The following GRM5 variants were observed in gnomAD, a reference collection of about 807,000 sequenced individuals.
GRM5 encodes glutamate metabotropic receptor 5, also known as metabotropic glutamate receptor 5.
In GRM5, 19 loss-of-function variants were observed where a neutral mutation model predicts 83.1. That is an observed-to-expected ratio of 0.23 (90% confidence interval 0.16 to 0.34). The LOEUF (loss-of-function observed/expected upper bound fraction) is 0.34, where lower values mean the gene tolerates loss of function less well. Ranked by LOEUF, GRM5 falls within the 10% of genes least tolerant of loss-of-function variation. The probability of loss-of-function intolerance (pLI) is 1.00; values close to 1 mark genes in which losing one functional copy is unlikely to be tolerated. For missense variants in GRM5, 1,160 were observed against 1,588.3 expected (o/e 0.73, Z 4.58); for synonymous variants, 675 against 633.6 (o/e 1.07, Z -0.98).
chr11:88,635,629 T>C (rs1939097181), intron 4 of GRM5, among the ~76,000 whole-genome samples: 1 of 152,192 alleles, frequency 6.6e-6, no homozygotes, highest in Non-Finnish European at 1.5e-5. Flanking sequence ...TTCCATTCCT[T>C]AGGTTGTCTT....
At chr11:88,608,280 T>G (rs1341469197) in intron 4 of GRM5, among the ~76,000 whole-genome samples, 1 of 152,188 alleles carries the variant, frequency 6.6e-6, no homozygotes, top group Non-Finnish European at 1.5e-5. Flanking sequence ...TTGCAGGGCA[T>G]GTTTCCTTCC....
At chr11:88,700,617 T>C (rs1323149687) in intron 3 of GRM5, among the ~76,000 whole-genome samples, 3 of 152,170 alleles carry the variant, frequency 2.0e-5, no homozygotes, top group Non-Finnish European at 4.4e-5. Flanking sequence ...CTGTTCCTTT[T>C]CACAGGGTCT....
intron 7 of GRM5, among the ~76,000 whole-genome samples, chr11:88,570,672 C>T (rs1007262931): frequency 4.8e-5 from 7 of 145,652 alleles, no homozygotes; most frequent in African/African-American, 1.3e-4. Flanking sequence ...CTCTGCCTCC[C>T]GAGTTCAAGC....
intron 2 of GRM5, among the ~76,000 whole-genome samples, chr11:88,984,537 C>T (rs1446844279): frequency 6.6e-6 from 1 of 152,114 alleles, no homozygotes; most frequent in African/African-American, 2.4e-5. Context: ...TGTTAAGTGA[C>T]ATATGACTAT....
chr11:88,864,999 CA>C (rs1283003404), intron 2 of GRM5, among the ~76,000 whole-genome samples: 4 of 151,956 alleles, frequency 2.6e-5, no homozygotes, highest in Non-Finnish European at 5.9e-5. Flanking sequence ...ACCAGCCTTA[CA>C]AGGGATGTGA....
At chr11:88,706,932 T>G (rs1022016879) in intron 3 of GRM5, among the ~76,000 whole-genome samples, 5 of 152,098 alleles carry the variant, frequency 3.3e-5, no homozygotes, top group Admixed American at 6.6e-5. Context: ...ATATTTAAGT[T>G]TATTGCTGAT....
intron 3 of GRM5, among the ~76,000 whole-genome samples, chr11:88,705,002 C>A (rs1216400324): frequency 6.6e-6 from 1 of 152,044 alleles, no homozygotes; most frequent in Non-Finnish European, 1.5e-5. Context: ...CCATCTCTAG[C>A]ATCAGCATAA....
intron 2 of GRM5, among the ~76,000 whole-genome samples, chr11:88,957,071 G>T (rs980878800): frequency 2.0e-5 from 3 of 152,190 alleles, no homozygotes; most frequent in African/African-American, 7.2e-5. Context: ...AAGGAAAATA[G>T]AATATACTAT....
chr11:88,759,638 G>A (rs6483442), intron 3 of GRM5, among the ~76,000 whole-genome samples: 109,942 of 151,904 alleles, frequency 0.72, 40,209 homozygotes, highest in African/African-American at 0.75. Flanking sequence ...GGAGATTTCA[G>A]CACCTCACTG....
At position 88,783,121 on chromosome 11, in the gene GRM5, C is replaced by T. The variant is rs545090582; in HGVS notation, c.911+66785G>A. On this transcript the variant is annotated intron_variant, in intron 3 of 9. Coordinates refer to ENST00000305447, the MANE Select transcript of GRM5 (RefSeq NM_001143831.3). ...GTATTTAAATCAATTATTTCCTAAACATTTTGTTTGTGTCTACACTTTTAA... is the reference window on the plus strand; with the variant it reads ...GTATTTAAATCAATTATTTCCTAAATATTTTGTTTGTGTCTACACTTTTAA... Among the ~76,000 whole-genome samples the T allele has an allele frequency of 4.6e-5, 7 of 152,196 alleles. No individual in the cohort carries two copies. The East Asian group carries it at 5.8e-4, about 13-fold the overall frequency.
At chr11:88,620,574 T>G (rs1938606352) in intron 4 of GRM5, among the ~76,000 whole-genome samples, 1 of 152,178 alleles carries the variant, frequency 6.6e-6, no homozygotes, top group African/African-American at 2.4e-5. Flanking sequence ...AGGTAGCTTT[T>G]TGGGAACATA....
chr11:88,507,597 A>G lies in GRM5; in HGVS notation c.*995T>C, dbSNP rs913308285. On this transcript the variant is annotated 3_prime_UTR_variant, in exon 10 of 10. Coordinates refer to ENST00000305447, the MANE Select transcript of GRM5 (RefSeq NM_001143831.3). ...TTTGTGCATCAGGTTCTCAAAATAAAGGAATGAAGAAGCCCCAATGCATAT... is the reference window on the plus strand; with the variant it reads ...TTTGTGCATCAGGTTCTCAAAATAAGGGAATGAAGAAGCCCCAATGCATAT... 3 of 152,244 alleles carry G rather than the reference A, an allele frequency of 2.0e-5. No homozygotes were observed. The highest frequency in any genetic ancestry group is 2.9e-5 in the Non-Finnish European group (2 of 68,040). The allele number at this position is 152,244 out of a possible 1,614,324, so 9.4% of individuals were successfully genotyped here. A position where few individuals can be genotyped will look rare whatever the true frequency, so the allele number is the denominator to read the frequency against.
intron 3 of GRM5, among the ~76,000 whole-genome samples, chr11:88,825,795 G>A (rs1041069157): frequency 1.3e-5 from 2 of 152,098 alleles, no homozygotes; most frequent in African/African-American, 4.8e-5. Flanking sequence ...GAACCCTCAA[G>A]GAAATTAAGG....
chr11:88,977,205 A>T (rs1485817420), intron 2 of GRM5, among the ~76,000 whole-genome samples: 4 of 150,168 alleles, frequency 2.7e-5, no homozygotes, highest in Admixed American at 6.6e-5. Flanking sequence ...TTTATATTAT[A>T]TTATTTTATT....
chr11:88,736,538 G>T (rs911062104), intron 3 of GRM5, among the ~76,000 whole-genome samples: 1 of 152,020 alleles, frequency 6.6e-6, no homozygotes, highest in African/African-American at 2.4e-5. Context: ...ACCAACAAAT[G>T]TCTCTTATTA....
At chr11:88,781,762 G>A (rs763820811) in intron 3 of GRM5, among the ~76,000 whole-genome samples, 4 of 152,164 alleles carry the variant, frequency 2.6e-5, no homozygotes, top group Non-Finnish European at 5.9e-5. Flanking sequence ...CCACCTCAGG[G>A]AAACTAGCAT....
intron 3 of GRM5, among the ~76,000 whole-genome samples, chr11:88,844,014 G>A (rs967355361): frequency 1.3e-5 from 2 of 152,290 alleles, no homozygotes; most frequent in Admixed American, 6.5e-5. Context: ...GAAGCAGCAG[G>A]TGCAGACTGA....
At chr11:88,581,380 ACACT>A (rs1943210705) in intron 7 of GRM5, among the ~76,000 whole-genome samples, 1 of 152,242 alleles carries the variant, frequency 6.6e-6, no homozygotes, top group Non-Finnish European at 1.5e-5. Context: ...GAGAAAGCTG[ACACT>A]CACAGATAAA....
intron 2 of GRM5, among the ~76,000 whole-genome samples, chr11:88,955,034 GA>G (rs1938566121): frequency 2.6e-5 from 4 of 152,278 alleles, no homozygotes; most frequent in Middle Eastern, 3.4e-3. Context: ...TTTCTATAAT[GA>G]TTTATGGCCT....
Sources: gnomAD v4.1 joint callset for allele counts (sites outside exome capture counted in the v4.1 genomes callset) on GRCh38, gnomAD v4.1.1 for gene constraint, MANE v1.5 for transcripts, NCBI Gene and HGNC (gene_info 2026-07-23, HGNC 2026-07-21) for gene names.